Variants in CBR4 observed in about 807,000 individuals in gnomAD.
The protein encoded by CBR4 is 3-oxoacyl-[acyl-carrier-protein] reductase.
A neutral mutation model predicts 21.0 loss-of-function variants in CBR4; 22 were observed. That is an observed-to-expected ratio of 1.05 (90% CI 0.75 to 1.50). CBR4 has a LOEUF of 1.50. Among genes scored for constraint, CBR4 ranks in the 40% most tolerant of loss-of-function variants. CBR4 has a pLI of 0.00. For missense variants in CBR4, 302 were observed against 286.3 expected, an observed-to-expected ratio of 1.05 and a Z score of -0.40; for synonymous variants, 100 against 104.4, an observed-to-expected ratio of 0.96 and a Z score of 0.26.
chr4:168,954,273 T>C (rs751582458), intron 2 of CBR4, among the ~76,000 whole-genome samples: 2 of 152,240 alleles, frequency 1.3e-5, no homozygotes, highest in Non-Finnish European at 2.9e-5. Context: ...TTCAAAATTC[T>C]GAGGAAAATG....
intron 2 of CBR4, chr4:168,896,683 T>C: frequency 1.3e-6 from 1 of 756,060 alleles, no homozygotes; most frequent in Non-Finnish European, 2.2e-6. Flanking sequence ...TGTGTTTCTA[T>C]CTTTTCTGCC....
intron 2 of CBR4, among the ~76,000 whole-genome samples, chr4:168,972,841 C>T (rs1233889337): frequency 6.6e-6 from 1 of 152,124 alleles, no homozygotes; most frequent in Non-Finnish European, 1.5e-5. Context: ...AGTGGGCATC[C>T]TTGTCTTGTT....
At chr4:168,914,683 G>A (rs905821361) in intron 2 of CBR4, among the ~76,000 whole-genome samples, 7 of 152,166 alleles carry the variant, frequency 4.6e-5, no homozygotes, top group African/African-American at 1.4e-4. Flanking sequence ...CAACCATCCT[G>A]TCAACTTGGC....
chr4:168,971,322 G>A (rs940195932), intron 2 of CBR4, among the ~76,000 whole-genome samples: 2 of 152,036 alleles, frequency 1.3e-5, no homozygotes, highest in South Asian at 4.2e-4. Context: ...AGGCTGGAGT[G>A]CAGTGGTGCA....
chr4:169,006,256 A>G (rs756230336), intron 3 of CBR4, among the ~76,000 whole-genome samples: 3 of 152,100 alleles, frequency 2.0e-5, no homozygotes, highest in Non-Finnish European at 4.4e-5. Flanking sequence ...GCTCACCTCT[A>G]TAATCCCAGC....
intron 2 of CBR4, among the ~76,000 whole-genome samples, chr4:168,979,960 G>A (rs188442972): frequency 6.6e-6 from 1 of 152,202 alleles, no homozygotes; most frequent in African/African-American, 2.4e-5. Context: ...TCTTCCCTGT[G>A]AGCCCCCAAT....
chr4:168,930,660 G>A (rs867633674), intron 2 of CBR4, among the ~76,000 whole-genome samples: 5 of 152,088 alleles, frequency 3.3e-5, no homozygotes, highest in Non-Finnish European at 7.4e-5. Context: ...GGGTAGCTGC[G>A]GTCACTGAAA....
intron 2 of CBR4, among the ~76,000 whole-genome samples, chr4:168,953,486 C>T (rs1244383415): frequency 1.3e-5 from 2 of 152,128 alleles, no homozygotes; most frequent in East Asian, 3.9e-4. Flanking sequence ...GGCACAATCA[C>T]AATCACAGCT....
At chr4:168,935,266 G>A (rs528593076) in intron 2 of CBR4, among the ~76,000 whole-genome samples, 12 of 152,300 alleles carry the variant, frequency 7.9e-5, no homozygotes, top group Non-Finnish European at 1.3e-4. Context: ...CTTTTCCCAC[G>A]GTTTTTGCAA....
intron 2 of CBR4, chr4:168,926,477 C>CCTTTGACTATA (rs1263373428): frequency 6.1e-6 from 5 of 825,468 alleles, no homozygotes; most frequent in Non-Finnish European, 9.0e-6. Flanking sequence ...CAGAAACATA[C>CCTTTGACTATA]CTTTGACTAT....
At chr4:168,939,976 A>AG (rs1763217829) in intron 2 of CBR4, among the ~76,000 whole-genome samples, 1 of 152,170 alleles carries the variant, frequency 6.6e-6, no homozygotes, top group East Asian at 1.9e-4. Flanking sequence ...GAGCCCGCAT[A>AG]GACAAGACAA....
At chr4:168,985,631 A>C (rs1764666006), downstream of CBR4, among the ~76,000 whole-genome samples, 1 of 152,206 alleles carries the variant, frequency 6.6e-6, no homozygotes, top group South Asian at 2.1e-4. Flanking sequence ...GAACCAACCT[A>C]GATCCCCATC....
At chr4:168,931,427 G>C (rs1008640439) in intron 2 of CBR4, among the ~76,000 whole-genome samples, 2 of 152,110 alleles carry the variant, frequency 1.3e-5, no homozygotes, top group Non-Finnish European at 2.9e-5. Flanking sequence ...CAGGGCCTGA[G>C]AAACAGCTTG....
In CBR4 at chr4:168,973,108, G is replaced by A. The variant is rs530641266; in HGVS notation, n.169+28963C>T. On this transcript the variant is annotated intron_variant and non_coding_transcript_variant, in intron 2 of 3. Coordinates refer to the CBR4 transcript ENST00000509108. ...CTTGTGTATGTTACACCAACCTTGC[G>A]TCCCCATCATGAAATACACTTGATC... is the stretch of plus-strand genomic sequence containing the variant. Among the ~76,000 whole-genome samples the A allele has an allele frequency of 3.9e-5, 6 of 152,046 alleles. No homozygotes were observed. The East Asian group carries it at 5.8e-4, about 15-fold the overall frequency.
intron 2 of CBR4, among the ~76,000 whole-genome samples, chr4:168,970,256 ACTTTT>A (rs1764165283): frequency 6.6e-6 from 1 of 152,128 alleles, no homozygotes; most frequent in African/African-American, 2.4e-5. Context: ...ATTTGACCAA[ACTTTT>A]CTTTTTTATG....
intron 2 of CBR4, among the ~76,000 whole-genome samples, chr4:168,901,580 A>AG (rs1756525911): frequency 6.6e-6 from 1 of 152,236 alleles, no homozygotes. Context: ...AACCATAGCC[A>AG]GGCACAGTGG....
chr4:169,005,820 C>T, intron 3 of CBR4: 1 of 1,154,690 alleles, frequency 8.7e-7, no homozygotes, highest in Non-Finnish European at 1.2e-6. Context: ...ACTTTCAAAA[C>T]AGAAAAACTC....
chr4:168,904,224 C>A, intron 2 of CBR4: 1 of 303,424 alleles, frequency 3.3e-6, no homozygotes, highest in African/African-American at 2.1e-5. Flanking sequence ...AAGCAATTAA[C>A]AAATAATATA....
chr4:168,990,190 T>C lies in CBR4; in HGVS notation c.674A>G (p.His225Arg). 2.5e-6 allele frequency: 4 copies of C among 1,611,126 alleles called. No individual in the cohort carries two copies. The highest frequency in any genetic ancestry group is 3.4e-6 in the Non-Finnish European group (4 of 1,178,758). Residue 225 changes from histidine (H) to arginine (R), a missense_variant, in exon 5 of 5, where the codon CAT becomes CGT. Coordinates refer to ENST00000306193, the MANE Select transcript of CBR4 (RefSeq NM_032783.5). ...TAATCCCCCATCCACTACCAGAACA[T>C]GCCCTGTAATATACGGTGATTCTAA... ...FLLESPYITG[H>R]VLVVDGGLQL...
Sources: gnomAD v4.1 joint callset for allele counts (sites outside exome capture counted in the v4.1 genomes callset) on GRCh38, gnomAD v4.1.1 for gene constraint, MANE v1.5 for transcripts, NCBI Gene and HGNC (gene_info 2026-07-23, HGNC 2026-07-21) for gene names.